The following CTCF variants were observed in gnomAD, a reference collection of about 807,000 sequenced individuals.
The protein encoded by CTCF is transcriptional repressor CTCF.
CTCF carries 7 observed loss-of-function variants against 72.3 expected under a neutral mutation model. The observed-to-expected ratio is 0.10, with a 90% CI of 0.06 to 0.18. The LOEUF (loss-of-function observed/expected upper bound fraction) is 0.18. Among genes scored for constraint, CTCF ranks in the 10% least tolerant of loss-of-function variants. The pLI, the probability that CTCF is intolerant of heterozygous loss-of-function variation, is 1.00. For missense variants in CTCF, 516 were observed against 949.1 expected (o/e 0.54, Z 6.00); for synonymous variants, 374 against 315.8 (o/e 1.18, Z -1.95).
chr16:67,613,540 A>G (rs558333419), intron 4 of CTCF, among the ~76,000 whole-genome samples: 2 of 152,300 alleles, frequency 1.3e-5, no homozygotes, highest in Admixed American at 6.5e-5. Flanking sequence ...TTGGAAATCC[A>G]ATGGGGGGTA....
chr16:67,575,132 C>T (rs2051477970), intron 2 of CTCF, among the ~76,000 whole-genome samples: 1 of 152,080 alleles, frequency 6.6e-6, no homozygotes, highest in Non-Finnish European at 1.5e-5. Context: ...GCCTGTAGTC[C>T]TAGCTATTCA....
At chr16:67,602,287 A>G (rs546972696) in intron 2 of CTCF, among the ~76,000 whole-genome samples, 2 of 152,312 alleles carry the variant, frequency 1.3e-5, no homozygotes, top group East Asian at 3.9e-4. Context: ...GGAGACCCCA[A>G]AGATTGTTTT....
Position 67,610,928 on chromosome 16 carries a change from C to A in CTCF, c.96C>A (p.Gly32=). The change falls in exon 3 of 12, where the codon GGC becomes GGA. Residue 32 remains glycine, a synonymous_variant. Coordinates refer to ENST00000264010, the MANE Select transcript of CTCF (RefSeq NM_006565.4). ...CTTACCAGAGACGCCGGGAAGGGGG[C>A]CAGGAAGAAGATGCCTGCCACTTAC... is the stretch of plus-strand genomic sequence containing the variant. The part of the protein sequence containing the change: ...RKTYQRRREG[G]QEEDACHLPQ... The A allele has an allele frequency of 1.3e-6, 2 of 1,551,106 alleles. No homozygotes were observed. Among genetic ancestry groups the A allele is most frequent in the South Asian group, 1.2e-5 (1 of 81,200 alleles).
At chr16:67,626,188 C>T (rs1008858673) in intron 7 of CTCF, among the ~76,000 whole-genome samples, 2 of 151,972 alleles carry the variant, frequency 1.3e-5, no homozygotes, top group African/African-American at 4.8e-5. Flanking sequence ...ACCTATAATT[C>T]CAGCATTTTG....
At chr16:67,620,608 C>T (rs1463417390) in intron 5 of CTCF, 89 bp from the exon 6 acceptor site, 2 of 1,144,800 alleles carry the variant, frequency 1.7e-6, no homozygotes, top group Admixed American at 2.4e-5. Flanking sequence ...CTTCAGTGCC[C>T]CAAAGCTAAG....
In CTCF at chr16:67,638,887, A is replaced by G; in HGVS notation, c.*1015A>G. ...AATAATGTGAAGCAAAACCAACTAA[A>G]AAGTGATTCTTGCACATGAACTGTC... On this transcript the variant is annotated 3_prime_UTR_variant, in exon 12 of 12. Transcript: ENST00000264010. 1 of 207,494 alleles carries G rather than the reference A, an allele frequency of 4.8e-6. No individual in the cohort carries two copies. Among genetic ancestry groups the G allele is most frequent in the East Asian group, 7.3e-5 (1 of 13,634 alleles). 12.9% of individuals were successfully genotyped at this position (207,494 alleles called of 1,614,324 possible).
intron 1 of CTCF, among the ~76,000 whole-genome samples, chr16:67,564,184 GTT>G (rs1399801311): frequency 6.6e-6 from 1 of 152,222 alleles, no homozygotes; most frequent in African/African-American, 2.4e-5. Context: ...CGGTCCTTAA[GTT>G]TTCTTTCTTC....
At chr16:67,584,344 T>C (rs1356690661) in intron 2 of CTCF, among the ~76,000 whole-genome samples, 1 of 145,562 alleles carries the variant, frequency 6.9e-6, no homozygotes, top group African/African-American at 2.6e-5. Flanking sequence ...CTTCTTTTTT[T>C]TTTTTTTTTT....
chr16:67,637,418 TCTA>T (rs2052445808), intron 11 of CTCF, among the ~76,000 whole-genome samples: 1 of 152,038 alleles, frequency 6.6e-6, no homozygotes, highest in Non-Finnish European at 1.5e-5. Context: ...TGTAGTCCCA[TCTA>T]CTCAGGAGGC....
At chr16:67,593,652 A>T (rs1352326777) in intron 2 of CTCF, among the ~76,000 whole-genome samples, 2 of 152,136 alleles carry the variant, frequency 1.3e-5, no homozygotes, top group Non-Finnish European at 2.9e-5. Context: ...GTGAAAGTTC[A>T]TGGGGTCTTA....
At chr16:67,617,966 T>C (rs180912656) in intron 5 of CTCF, among the ~76,000 whole-genome samples, 92 of 152,340 alleles carry the variant, frequency 6.0e-4, no homozygotes, top group African/African-American at 2.1e-3. Flanking sequence ...TTGTTTATCA[T>C]TGGGAAATTG....
intron 2 of CTCF, among the ~76,000 whole-genome samples, chr16:67,598,080 G>C (rs564467824): frequency 2.6e-5 from 4 of 151,936 alleles, no homozygotes; most frequent in African/African-American, 4.8e-5. Context: ...GGGCTCAGGC[G>C]ATCCTCCCAG....
At chr16:67,589,942 C>T (rs2051717194) in intron 2 of CTCF, among the ~76,000 whole-genome samples, 1 of 151,962 alleles carries the variant, frequency 6.6e-6, no homozygotes, top group Non-Finnish European at 1.5e-5. Flanking sequence ...CAAAAATTAG[C>T]CTGGCATGAT....
At chr16:67,571,481 C>G (rs983388425) in intron 2 of CTCF, among the ~76,000 whole-genome samples, 5 of 152,174 alleles carry the variant, frequency 3.3e-5, no homozygotes, top group African/African-American at 1.2e-4. Context: ...CTGTCTACTC[C>G]TGTAGTCCTC....
intron 5 of CTCF, among the ~76,000 whole-genome samples, chr16:67,618,667 A>G (rs2052163867): frequency 1.3e-5 from 2 of 152,334 alleles, no homozygotes; most frequent in African/African-American, 2.4e-5. Context: ...ACTTAGAGCA[A>G]TAAGAGTTCA....
intron 2 of CTCF, among the ~76,000 whole-genome samples, chr16:67,606,730 CAA>C (rs1405155986): frequency 2.1e-5 from 3 of 145,400 alleles, no homozygotes; most frequent in African/African-American, 7.5e-5. Flanking sequence ...GCCAAAAATA[CAA>C]AACACTTCAA....
chr16:67,617,942 C>T (rs12596321), intron 5 of CTCF, among the ~76,000 whole-genome samples: 1 of 152,154 alleles, frequency 6.6e-6, no homozygotes, highest in Non-Finnish European at 1.5e-5. Context: ...CTGAATATAT[C>T]TGAAACACAA....
intron 2 of CTCF, among the ~76,000 whole-genome samples, chr16:67,580,846 C>T (rs958754140): frequency 6.6e-6 from 1 of 150,732 alleles, no homozygotes; most frequent in Non-Finnish European, 1.5e-5. Flanking sequence ...GAACTCCTGA[C>T]CTCAGGTGAT....
chr16:67,608,598 C>G (rs2052010558), intron 2 of CTCF, among the ~76,000 whole-genome samples: 1 of 152,116 alleles, frequency 6.6e-6, no homozygotes, highest in Admixed American at 6.6e-5. Context: ...TGAGTAAGTT[C>G]TAGAGATCTG....
Sources: gnomAD v4.1 joint callset for allele counts (sites outside exome capture counted in the v4.1 genomes callset) on GRCh38, gnomAD v4.1.1 for gene constraint, MANE v1.5 for transcripts, NCBI Gene and HGNC (gene_info 2026-07-23, HGNC 2026-07-21) for gene names.